Variants in GAS7 observed in about 807,000 individuals in gnomAD.
GAS7 encodes the protein growth arrest-specific protein 7.
A neutral mutation model predicts 71.1 loss-of-function variants in GAS7; 28 were observed. That is an observed-to-expected ratio of 0.39 (90% CI 0.29 to 0.54). The LOEUF is 0.54. Among genes scored for constraint, GAS7 ranks in the 20% least tolerant of loss-of-function variants. The pLI is 0.62. For synonymous variants in GAS7, 258 were observed against 245.8 expected, an observed-to-expected ratio of 1.05 and a Z score of -0.46; for missense variants, 436 against 627.8, an observed-to-expected ratio of 0.69 and a Z score of 3.27.
intron 1 of GAS7, among the ~76,000 whole-genome samples, chr17:10,165,161 G>A (rs1465145648): frequency 1.3e-5 from 2 of 151,132 alleles, no homozygotes; most frequent in African/African-American, 2.4e-5. Context: ...GTGTGGTGGC[G>A]GGTGCCTGTA....
intron 5 of GAS7, chr17:9,958,900 C>G: frequency 8.4e-7 from 1 of 1,194,632 alleles, no homozygotes; most frequent in Non-Finnish European, 1.1e-6. Context: ...AGTCCACCCC[C>G]TTCAACCCAC....
At chr17:10,126,600 G>A (rs147195544) in intron 1 of GAS7, among the ~76,000 whole-genome samples, 5 of 151,226 alleles carry the variant, frequency 3.3e-5, no homozygotes, top group South Asian at 2.1e-4. Context: ...ACACACACAC[G>A]CTCACACACA....
intron 2 of GAS7, among the ~76,000 whole-genome samples, chr17:9,982,219 C>T (rs1373642833): frequency 6.6e-6 from 1 of 152,130 alleles, no homozygotes; most frequent in Non-Finnish European, 1.5e-5. Flanking sequence ...CTTCATTCAC[C>T]CCTACTTTGT....
chr17:10,077,108 T>G (rs886364144), intron 1 of GAS7, among the ~76,000 whole-genome samples: 4 of 152,174 alleles, frequency 2.6e-5, no homozygotes, highest in East Asian at 3.8e-4. Flanking sequence ...CTAATAAAAT[T>G]TATATACTTT....
chr17:10,132,771 A>T (rs899507518), intron 1 of GAS7, among the ~76,000 whole-genome samples: 2 of 152,106 alleles, frequency 1.3e-5, no homozygotes, highest in Admixed American at 6.6e-5. Flanking sequence ...TAAAAAAAAA[A>T]ATCATTTTTA....
intron 9 of GAS7, among the ~76,000 whole-genome samples, chr17:9,931,271 G>A (rs945874153): frequency 1.3e-5 from 2 of 152,108 alleles, no homozygotes; most frequent in Admixed American, 6.5e-5. Flanking sequence ...GGTGGTTGAC[G>A]GCAATGAGTT....
chr17:10,131,092 G>A (rs890450601), intron 1 of GAS7, among the ~76,000 whole-genome samples: 8 of 152,264 alleles, frequency 5.3e-5, no homozygotes, highest in South Asian at 4.1e-4. Flanking sequence ...CCAAGGCCAC[G>A]ACTACTTTCT....
intron 1 of GAS7, among the ~76,000 whole-genome samples, chr17:10,164,071 C>T (rs2074275054): frequency 1.3e-5 from 2 of 152,168 alleles, no homozygotes; most frequent in South Asian, 4.1e-4. Context: ...GGAGCTTCAC[C>T]TGGTCTGACG....
Position 9,926,342 on chromosome 17 carries a change from T to C in GAS7, c.1014+299A>G, listed in dbSNP as rs536105279. Among the ~76,000 whole-genome samples, 3 of 152,242 alleles carry C rather than the reference T, an allele frequency of 2.0e-5. No homozygotes were observed. The East Asian group carries it at 5.8e-4, about 29-fold the overall frequency. ...CCACGTGAACCAGCAGCAGCACTGC[T>C]AGGCTCGGGGTTTAACTGGTCGCCA... On this transcript the variant is annotated intron_variant, in intron 10 of 13. Transcript: ENST00000432992. This position sits in a 1 kb window ranked among gnomAD's most constrained non-coding sequence, Gnocchi z 5.0.
intron 1 of GAS7, among the ~76,000 whole-genome samples, chr17:10,185,590 T>G (rs1411171037): frequency 6.6e-6 from 1 of 152,114 alleles, no homozygotes; most frequent in Non-Finnish European, 1.5e-5. Flanking sequence ...TCCTAGGAAA[T>G]TAATCAAACC....
At chr17:10,112,759 A>AAAAAAGAAAGCAAG (rs2073825606) in intron 1 of GAS7, among the ~76,000 whole-genome samples, 2 of 144,674 alleles carry the variant, frequency 1.4e-5, no homozygotes, top group South Asian at 2.2e-4. Context: ...CAAAGAAAAG[A>AAAAAAGAAAGCAAG]AAAAAGAAAG....
rs76067476 is a variant in GAS7, at chr17:10,047,221, A to C, written c.184-27324T>G. ...CAGATGCTACAGGCCAAGCCCAGCC[A>C]ATGCCCTGGCTGCAGGGCATTGAGA... On this transcript the variant is annotated intron_variant, in intron 1 of 13. Coordinates refer to ENST00000432992, the MANE Select transcript of GAS7 (RefSeq NM_201433.2). Among the ~76,000 whole-genome samples the C allele has an allele frequency of 3.3e-3, 501 of 152,322 alleles. 5 individuals carry two copies. Among genetic ancestry groups the C allele is most frequent in the African/African-American group, 0.012 (483 of 41,568 alleles).
rs568247096 is a variant in GAS7, at chr17:10,058,768, T to C, written c.184-38871A>G. Among the ~76,000 whole-genome samples the C allele has an allele frequency of 7.2e-5, 11 of 152,314 alleles. No homozygotes were observed. In the East Asian group the frequency reaches 1.3e-3, roughly 19 times the overall value. ...TCACACTGGCCGTAACATTGACTCA[T>C]TGCAATGCCAGGGGAAGATATTTAG... On this transcript the variant is annotated intron_variant, in intron 1 of 13. Transcript: ENST00000432992.
intron 8 of GAS7, among the ~76,000 whole-genome samples, chr17:9,937,586 C>T (rs574404439): frequency 1.5e-4 from 23 of 152,360 alleles, no homozygotes; most frequent in Non-Finnish European, 2.9e-4. Flanking sequence ...CGGTCTGTGG[C>T]TGGCAGGGAG....
At chr17:10,181,481 G>A (rs946536067) in intron 1 of GAS7, among the ~76,000 whole-genome samples, 3 of 152,098 alleles carry the variant, frequency 2.0e-5, no homozygotes, top group African/African-American at 7.2e-5. Context: ...AACAGGAACA[G>A]CATGCACAGG....
At chr17:10,196,316 A>G (rs190895677) in intron 1 of GAS7, among the ~76,000 whole-genome samples, 1 of 152,308 alleles carries the variant, frequency 6.6e-6, no homozygotes, top group African/African-American at 2.4e-5. Flanking sequence ...TTGCTTGTCT[A>G]TAAAATGGGG....
intron 2 of GAS7, among the ~76,000 whole-genome samples, chr17:9,986,233 T>C (rs2070643515): frequency 1.3e-5 from 2 of 152,106 alleles, no homozygotes; most frequent in South Asian, 4.1e-4. Flanking sequence ...CCCAGAAAAC[T>C]TTCCCTTTGT....
chr17:10,084,879 C>T (rs549688215), intron 1 of GAS7, among the ~76,000 whole-genome samples: 6 of 152,274 alleles, frequency 3.9e-5, no homozygotes, highest in Admixed American at 6.5e-5. Flanking sequence ...CCACAACAAA[C>T]GCCAAGCGGT....
intron 1 of GAS7, among the ~76,000 whole-genome samples, chr17:10,176,303 G>A (rs531338943): frequency 6.6e-6 from 1 of 152,148 alleles, no homozygotes; most frequent in African/African-American, 2.4e-5. Flanking sequence ...AGAGGTGAGG[G>A]GTTAGACCAA....
Sources: allele counts gnomAD v4.1 joint callset (sites outside exome capture counted in the v4.1 genomes callset), GRCh38; gene constraint gnomAD v4.1.1; non-coding constraint Gnocchi (gnomAD v3.1); transcripts MANE v1.5; gene names NCBI Gene and HGNC (gene_info 2026-07-23, HGNC 2026-07-21).